The following CD37 variants were observed in gnomAD, a reference collection of about 807,000 sequenced individuals.
The protein encoded by CD37 is CD37 molecule.
A neutral mutation model predicts 38.9 loss-of-function variants in CD37; 37 were observed. The observed-to-expected ratio is 0.95, with a 90% CI of 0.73 to 1.25. CD37 has a LOEUF of 1.25. Ranked by LOEUF, CD37 falls within the 50% of genes most tolerant of loss-of-function variation. The pLI, the probability that CD37 is intolerant of heterozygous loss-of-function variation, is 0.00. For missense variants in CD37, 351 were observed against 360.1 expected, an observed-to-expected ratio of 0.97 and a Z score of 0.20; for synonymous variants, 146 against 150.1, an observed-to-expected ratio of 0.97 and a Z score of 0.20.
At chr19:49,336,278 G>A (rs778317102) in intron 2 of CD37, 47 of 144,678 alleles carry the variant, frequency 3.2e-4, no homozygotes, top group Middle Eastern at 3.7e-3. Context: ...CCTAGGGGCC[G>A]GGCGCGGTGG....
rs771413091 is a variant in CD37, at chr19:49,338,729, G to A, written c.477G>A (p.Gln159=). ...GCTGCTGCGGCTGGCACTACCCGCA[G>A]GACTGGTTCCAAGTCCTCATCCTGA... ...QLRCCGWHYP[Q]DWFQVLILRG... The change falls in exon 6 of 8, where the codon CAG becomes CAA. Residue 159 remains glutamine (Q), a synonymous_variant. Coordinates refer to ENST00000323906, the MANE Select transcript of CD37 (RefSeq NM_001774.3). The surrounding 1 kb of genome is among the most constrained non-coding windows in gnomAD (Gnocchi z 5.0). The A allele has an allele frequency of 6.2e-6, 10 of 1,612,788 alleles. No individual in the cohort carries two copies. Among genetic ancestry groups the A allele is most frequent in the South Asian group, 1.1e-5 (1 of 91,086 alleles).
At position 49,339,438 on chromosome 19, in the gene CD37, C is replaced by T. The variant is rs775492827; in HGVS notation, c.768+25C>T. ...GGTGATCTGGCCCCGCCCCCACCCG[C>T]GATCGGCCCTAAATCCCTAGATGGC... is the stretch of plus-strand genomic sequence containing the variant. On this transcript the variant is annotated intron_variant, in intron 7 of 7. Transcript: ENST00000323906. The surrounding 1 kb of genome is among the most constrained non-coding windows in gnomAD (Gnocchi z 4.5). The T allele has an allele frequency of 6.2e-7, 1 of 1,603,890 alleles. No individual in the cohort carries two copies. Among genetic ancestry groups the T allele is most frequent in the South Asian group, 1.1e-5 (1 of 90,898 alleles).
intron 4 of CD37, 118 bp downstream of exon 4, chr19:49,337,339 G>T: frequency 9.9e-7 from 1 of 1,007,276 alleles, no homozygotes. Flanking sequence ...TAGATAAAGA[G>T]AAATAAGAGG....
At chr19:49,337,847 G>T in intron 4 of CD37, 78 bp from the exon 5 acceptor site, 1 of 1,600,830 alleles carries the variant, frequency 6.2e-7, no homozygotes, top group Non-Finnish European at 8.5e-7. Context: ...CACAGGGCCC[G>T]CCTGAGGCTG....
At position 49,335,974 on chromosome 19, in the gene CD37, C is replaced by T. The variant is rs761091265; in HGVS notation, c.142+188C>T. 4 of 619,340 alleles carry T rather than the reference C, an allele frequency of 6.5e-6. No individual in the cohort carries two copies. The highest frequency in any genetic ancestry group is 8.6e-6 in the Non-Finnish European group (3 of 347,788). The allele number at this position is 619,340 out of a possible 1,614,324, so 38.4% of individuals were successfully genotyped here. ...CAAATGGGGTTGTGCATACAAACAA[C>T]AATGATCATGAGAGCCATTTCTCAA... is the stretch of plus-strand genomic sequence containing the variant. On this transcript the variant is annotated intron_variant, in intron 2 of 7. Coordinates refer to ENST00000323906, the MANE Select transcript of CD37 (RefSeq NM_001774.3). This position sits in a 1 kb window ranked among gnomAD's most constrained non-coding sequence, Gnocchi z 4.6.
Position 49,339,797 on chromosome 19 carries a change from T to C in CD37, c.768+384T>C, listed in dbSNP as rs1310339597. On this transcript the variant is annotated intron_variant, in intron 7 of 7. Transcript: ENST00000323906. The surrounding 1 kb of genome is among the most constrained non-coding windows in gnomAD (Gnocchi z 4.5). ...GGCGGCGGCGGGCACAGCGGCAGTCTGTGGGGTGGCTGGGGCATGGCGGGT... is the reference window on the plus strand; with the variant it reads ...GGCGGCGGCGGGCACAGCGGCAGTCCGTGGGGTGGCTGGGGCATGGCGGGT... 7.4e-7 allele frequency: 1 copy of C among 1,357,992 alleles called. No individual in the cohort carries two copies. Among genetic ancestry groups the C allele is most frequent in the African/African-American group, 1.5e-5 (1 of 68,052 alleles). 84.1% of individuals were successfully genotyped at this position (1,357,992 alleles called of 1,614,324 possible).
Position 49,338,560 on chromosome 19 carries a change from C to A in CD37, c.448-140C>A. The A allele has an allele frequency of 1.5e-6, 1 of 679,314 alleles. No homozygotes were observed. Among genetic ancestry groups the A allele is most frequent in the South Asian group, 1.7e-5 (1 of 60,390 alleles). The allele number at this position is 679,314 out of a possible 1,614,324, so 42.1% of individuals were successfully genotyped here. ...CCCTGGCTCCGGCCCCATCGTGACCCCAGCCCACTGTCCCCCACTCCACAC... is the reference window on the plus strand; with the variant it reads ...CCCTGGCTCCGGCCCCATCGTGACCACAGCCCACTGTCCCCCACTCCACAC... On this transcript the variant is annotated intron_variant, in intron 5 of 7. Coordinates refer to ENST00000323906, the MANE Select transcript of CD37 (RefSeq NM_001774.3). The surrounding 1 kb of genome is among the most constrained non-coding windows in gnomAD (Gnocchi z 5.0).
In CD37 at chr19:49,340,467, G is replaced by A; in HGVS notation, c.*139G>A. On this transcript the variant is annotated 3_prime_UTR_variant, in exon 8 of 8. Transcript: ENST00000323906. Reference sequence around the variant, plus strand: ...TTCCCCTGGGGACCCACGTGGCTGCGTGCCCCTGCTGCTGTCACCTCTCCC... The same window carrying A: ...TTCCCCTGGGGACCCACGTGGCTGCATGCCCCTGCTGCTGTCACCTCTCCC... 2 of 698,212 alleles carry A rather than the reference G, an allele frequency of 2.9e-6. No individual in the cohort carries two copies. The highest frequency in any genetic ancestry group is 2.0e-5 in the Admixed American group (1 of 49,222). 43.3% of individuals were successfully genotyped at this position (698,212 alleles called of 1,614,324 possible).
chr19:49,336,869 G>A, intron 2 of CD37, 40 bp from the exon 3 acceptor site: 3 of 1,609,968 alleles, frequency 1.9e-6, no homozygotes, highest in Non-Finnish European at 2.5e-6. Flanking sequence ...GCCTGGAGCT[G>A]TGCCACACAG....
chr19:49,337,890 G>A, intron 4 of CD37, 35 bp from the exon 5 acceptor site: 2 of 1,613,040 alleles, frequency 1.2e-6, no homozygotes, highest in Non-Finnish European at 1.7e-6. Context: ...GTGGGGCGGG[G>A]AAGATAAGGC....
rs984609770 is a variant in CD37 at position 49,338,585 on chromosome 19, C to T, written c.448-115C>T. 7 of 759,572 alleles carry T rather than the reference C, an allele frequency of 9.2e-6. No individual in the cohort carries two copies. The highest frequency in any genetic ancestry group is 7.8e-5 in the South Asian group (5 of 64,422). 47.1% of individuals were successfully genotyped at this position (759,572 alleles called of 1,614,324 possible). A position where few individuals can be genotyped will look rare whatever the true frequency, so the allele number is the denominator to read the frequency against. Reference sequence around the variant, plus strand: ...CCAGCCCACTGTCCCCCACTCCACACCCACCACTTAGTCCCCTGCTCCCCG... The same window carrying T: ...CCAGCCCACTGTCCCCCACTCCACATCCACCACTTAGTCCCCTGCTCCCCG... On this transcript the variant is annotated intron_variant, in intron 5 of 7. Transcript: ENST00000323906. This position sits in a 1 kb window ranked among gnomAD's most constrained non-coding sequence, Gnocchi z 5.0.
At position 49,335,530 on chromosome 19, in the gene CD37, A is replaced by G. The variant is rs773694195; in HGVS notation, c.-11A>G. ...GTGTGGTGAGTGGACCGCTTACCCC[A>G]CTAGGTGAAGATGTCAGCCCAGGAG... On this transcript the variant is annotated 5_prime_UTR_variant, in exon 1 of 8. Transcript: ENST00000323906. This position sits in a 1 kb window ranked among gnomAD's most constrained non-coding sequence, Gnocchi z 4.6. The G allele has an allele frequency of 1.2e-6, 2 of 1,610,584 alleles. No homozygotes were observed. The highest frequency in any genetic ancestry group is 4.5e-5 in the East Asian group (2 of 44,856).
Position 49,339,285 on chromosome 19 carries a change from A to T in CD37, c.685-45A>T. 6.5e-7 allele frequency: 1 copy of T among 1,538,970 alleles called. No homozygotes were observed. Among genetic ancestry groups the T allele is most frequent in the East Asian group, 2.2e-5 (1 of 44,488 alleles). On this transcript the variant is annotated intron_variant, in intron 6 of 7. Coordinates refer to ENST00000323906, the MANE Select transcript of CD37 (RefSeq NM_001774.3). This position sits in a 1 kb window ranked among gnomAD's most constrained non-coding sequence, Gnocchi z 4.5. ...GAAAAGAACGCTGGGCCTGGGCTTGAGAGTCCCAGAAAGAATCCCTTTAAC... is the reference window on the plus strand; with the variant it reads ...GAAAAGAACGCTGGGCCTGGGCTTGTGAGTCCCAGAAAGAATCCCTTTAAC...
chr19:49,336,089 T>C, intron 2 of CD37: 1 of 464,524 alleles, frequency 2.2e-6, no homozygotes, highest in Non-Finnish European at 3.9e-6. Flanking sequence ...AGCCCCTTGA[T>C]GGATGTCATA....
Position 49,338,043 on chromosome 19 carries a change from C to T in CD37, c.447+14C>T. 1 of 1,612,322 alleles carries T rather than the reference C, an allele frequency of 6.2e-7. No homozygotes were observed. The highest frequency in any genetic ancestry group is 8.5e-7 in the Non-Finnish European group (1 of 1,179,282). ...GTGCAGTTCCAGGTAAGCCCCCCTCCTCCAGTTCCCTCCCGGACTGACCCG... is the reference window on the plus strand; with the variant it reads ...GTGCAGTTCCAGGTAAGCCCCCCTCTTCCAGTTCCCTCCCGGACTGACCCG... On this transcript the variant is annotated intron_variant, in intron 5 of 7. Coordinates refer to ENST00000323906, the MANE Select transcript of CD37 (RefSeq NM_001774.3). This position sits in a 1 kb window ranked among gnomAD's most constrained non-coding sequence, Gnocchi z 5.0.
rs2146214153 is a variant in CD37 at position 49,338,091 on chromosome 19, G to C, written c.447+62G>C. ...CCGCCTCAGCCCTGTGCTTGGAGGA[G>C]ACTCCACCCCAACGTGGGCCCGACC... On this transcript the variant is annotated intron_variant, in intron 5 of 7. Transcript: ENST00000323906. This position sits in a 1 kb window ranked among gnomAD's most constrained non-coding sequence, Gnocchi z 5.0. 6.3e-7 allele frequency: 1 copy of C among 1,585,804 alleles called. No individual in the cohort carries two copies. The highest frequency in any genetic ancestry group is 1.7e-4 in the Middle Eastern group (1 of 5,960).
rs769776030 is a variant in CD37 at position 49,335,653 on chromosome 19, G to A, written c.69+44G>A. 31 of 1,609,040 alleles carry A rather than the reference G, an allele frequency of 1.9e-5. No individual in the cohort carries two copies. The highest frequency in any genetic ancestry group is 4.5e-5 in the East Asian group (2 of 44,852). The stretch of plus-strand genomic sequence containing the variant: ...ACCCAGCCGGGGCCCAGCCCCTGCC[G>A]CTAACCCAGCCCTCATCTTCCCCTG... On this transcript the variant is annotated intron_variant, in intron 1 of 7. Transcript: ENST00000323906. This position sits in a 1 kb window ranked among gnomAD's most constrained non-coding sequence, Gnocchi z 4.6.
chr19:49,338,823 A>G lies in CD37; in HGVS notation c.571A>G (p.Thr191Ala). Residue 191 changes from threonine (T) to alanine (A), a missense_variant, in exon 6 of 8, where the codon ACA becomes GCA. By Grantham distance (58) the Thr-to-Ala change is moderately conservative. Transcript: ENST00000323906. The surrounding 1 kb of genome is among the most constrained non-coding windows in gnomAD (Gnocchi z 5.0). ...CAACTTGTCGGCGACCAACGACTCCACAATCCTAGATAAGGTGATCTTGCC... is the reference window on the plus strand; with the variant it reads ...CAACTTGTCGGCGACCAACGACTCCGCAATCCTAGATAAGGTGATCTTGCC... ...CYNLSATNDS[T>A]ILDKVILPQL... 1.2e-6 allele frequency: 2 copies of G among 1,614,050 alleles called. No homozygotes were observed. Among genetic ancestry groups the G allele is most frequent in the Non-Finnish European group, 1.7e-6 (2 of 1,180,022 alleles).
intron 7 of CD37, chr19:49,340,049 C>A (rs934831466): frequency 6.7e-7 from 1 of 1,501,286 alleles, no homozygotes; most frequent in African/African-American, 1.4e-5. Context: ...CCTCTACCCC[C>A]ACTTGTAGCA....
Sources: gnomAD v4.1 joint callset for allele counts on GRCh38, gnomAD v4.1.1 for gene constraint, Gnocchi (gnomAD v3.1) non-coding constraint, MANE v1.5 for transcripts, NCBI Gene and HGNC (gene_info 2026-07-23, HGNC 2026-07-21) for gene names.